The following MCTP1 variants were observed in gnomAD, a reference collection of about 807,000 sequenced individuals.
MCTP1 encodes multiple C2 and transmembrane domain-containing protein 1.
A neutral mutation model predicts 120.6 loss-of-function variants in MCTP1; 69 were observed. The observed-to-expected ratio is 0.57, with a 90% CI of 0.47 to 0.70. MCTP1 has a LOEUF of 0.70. MCTP1 is among the 30% of genes least tolerant of loss of function. The probability of loss-of-function intolerance (pLI) is 0.00; values close to 1 mark genes in which losing one functional copy is unlikely to be tolerated. For synonymous variants in MCTP1, 529 were observed against 493.1 expected, an observed-to-expected ratio of 1.07 and a Z score of -0.96; for missense variants, 1,203 against 1,248.8, an observed-to-expected ratio of 0.96 and a Z score of 0.55.
chr5:94,734,406 T>C (rs1282205109), intron 19 of MCTP1, among the ~76,000 whole-genome samples: 1 of 152,250 alleles, frequency 6.6e-6, no homozygotes, highest in Non-Finnish European at 1.5e-5. Context: ...GGGTATATCT[T>C]TCTAGTATCT....
At chr5:95,014,518 T>C (rs946413782) in intron 2 of MCTP1, among the ~76,000 whole-genome samples, 1 of 152,130 alleles carries the variant, frequency 6.6e-6, no homozygotes, top group Non-Finnish European at 1.5e-5. Flanking sequence ...CTGTTTCTTA[T>C]GAATGAGCAG....
intron 1 of MCTP1, among the ~76,000 whole-genome samples, chr5:95,276,164 G>C (rs1759809538): frequency 6.6e-6 from 1 of 150,958 alleles, no homozygotes; most frequent in African/African-American, 2.4e-5. Context: ...TTGGCCACTT[G>C]TGTGAACTCC....
chr5:94,929,168 T>G (rs1813910880), intron 6 of MCTP1, among the ~76,000 whole-genome samples: 1 of 152,160 alleles, frequency 6.6e-6, no homozygotes, highest in Non-Finnish European at 1.5e-5. Flanking sequence ...CCTTTCTTCC[T>G]CTGTAGGTAC....
At chr5:94,985,783 G>A (rs1359111206) in intron 2 of MCTP1, among the ~76,000 whole-genome samples, 3 of 152,178 alleles carry the variant, frequency 2.0e-5, no homozygotes, top group Non-Finnish European at 4.4e-5. Flanking sequence ...CCATTCTGCA[G>A]AGCTCACAGT....
At position 94,841,804 on chromosome 5, in the gene MCTP1, G is replaced by T. The variant is rs941738880; in HGVS notation, c.2436+26529C>A. ...GTCTGTCATCCATGTAAGAGAAACA[G>T]AAATGAGCTGGGCATTAAATTTGCA... On this transcript the variant is annotated intron_variant, in intron 17 of 22. Coordinates refer to ENST00000515393, the MANE Select transcript of MCTP1 (RefSeq NM_024717.7). Among the ~76,000 whole-genome samples, 37 of 152,172 alleles carry T rather than the reference G, an allele frequency of 2.4e-4. 1 individual carries two copies. The highest frequency in any genetic ancestry group is 5.9e-5 in the Non-Finnish European group (4 of 68,032).
chr5:95,225,245 C>CTTA (rs1357441246), intron 1 of MCTP1, among the ~76,000 whole-genome samples: 5 of 152,144 alleles, frequency 3.3e-5, no homozygotes, highest in African/African-American at 9.7e-5. Context: ...TTACTGGCTA[C>CTTA]CATTTTAAAA....
intron 17 of MCTP1, among the ~76,000 whole-genome samples, chr5:94,845,262 G>A (rs1166263742): frequency 2.6e-5 from 4 of 152,164 alleles, no homozygotes; most frequent in Non-Finnish European, 5.9e-5. Flanking sequence ...CATGGTAGAA[G>A]GTGAAGGAAG....
intron 19 of MCTP1, among the ~76,000 whole-genome samples, chr5:94,730,370 G>T: frequency 6.6e-6 from 1 of 152,124 alleles, no homozygotes; most frequent in East Asian, 1.9e-4. Context: ...TGTTGCCCAG[G>T]CTGGTCTCGA....
At chr5:95,024,587 G>A (rs1593464) in intron 1 of MCTP1, among the ~76,000 whole-genome samples, 110,045 of 151,374 alleles carry the variant, frequency 0.73, 41,742 homozygotes, top group Non-Finnish European at 0.86. Context: ...CCTATTCAAC[G>A]TAGTACTAGA....
intron 7 of MCTP1, among the ~76,000 whole-genome samples, chr5:94,922,957 G>T (rs563145801): frequency 5.3e-4 from 69 of 131,014 alleles, no homozygotes; most frequent in Non-Finnish European, 1.1e-3. Context: ...AAATGAAAAG[G>T]GTATAATTAC....
intron 20 of MCTP1, 36 bp from the exon 21 acceptor site, chr5:94,710,963 C>T: frequency 7.2e-7 from 1 of 1,380,962 alleles, no homozygotes; most frequent in Non-Finnish European, 1.0e-6. Flanking sequence ...AATCTGAGTA[C>T]TTCATACTTT....
At chr5:95,085,954 T>C (rs1755408733) in intron 1 of MCTP1, among the ~76,000 whole-genome samples, 1 of 152,136 alleles carries the variant, frequency 6.6e-6, no homozygotes, top group African/African-American at 2.4e-5. Flanking sequence ...TATATATTAT[T>C]GTTCTATTCC....
chr5:94,947,575 T>TAGAGAGAGAG (rs1252999006), intron 3 of MCTP1, among the ~76,000 whole-genome samples: 7 of 47,426 alleles, frequency 1.5e-4, no homozygotes, highest in Non-Finnish European at 1.9e-4. Flanking sequence ...TATATATATA[T>TAGAGAGAGAG]ATAGAGAGAG....
chr5:95,011,558 C>T (rs1040883651), intron 2 of MCTP1, among the ~76,000 whole-genome samples: 4 of 151,972 alleles, frequency 2.6e-5, no homozygotes, highest in Non-Finnish European at 5.9e-5. Flanking sequence ...CTCATGATAT[C>T]GAGTGAATTC....
chr5:94,834,647 C>T (rs1475206372), intron 17 of MCTP1, among the ~76,000 whole-genome samples: 2 of 152,044 alleles, frequency 1.3e-5, no homozygotes, highest in Non-Finnish European at 2.9e-5. Context: ...GACATCATAG[C>T]GCAATTCAAA....
At position 94,901,422 on chromosome 5, in the gene MCTP1, T is replaced by C. The variant is rs185337124; in HGVS notation, c.1653-6587A>G. Among the ~76,000 whole-genome samples, 87 of 152,268 alleles carry C rather than the reference T, an allele frequency of 5.7e-4. 1 individual carries two copies. Among genetic ancestry groups the C allele is most frequent in the Admixed American group, 9.2e-4 (14 of 15,298 alleles). On this transcript the variant is annotated intron_variant, in intron 10 of 22. Transcript: ENST00000515393. Reference sequence around the variant, plus strand: ...GGGACACAGAGACAAACCAAATCAATTTTAGAGTTACTTTCCCTCATTCTA... The same window carrying C: ...GGGACACAGAGACAAACCAAATCAACTTTAGAGTTACTTTCCCTCATTCTA...
At chr5:95,133,888 T>G (rs954548832) in intron 1 of MCTP1, among the ~76,000 whole-genome samples, 1 of 152,208 alleles carries the variant, frequency 6.6e-6, no homozygotes, top group African/African-American at 2.4e-5. Context: ...AAAAAAGGTT[T>G]GTTCCTCAGA....
intron 10 of MCTP1, among the ~76,000 whole-genome samples, chr5:94,908,490 G>A (rs1163791782): frequency 2.6e-5 from 4 of 151,816 alleles, no homozygotes; most frequent in Non-Finnish European, 5.9e-5. Context: ...TAAAGACTTG[G>A]AATTTCATGT....
At chr5:94,967,290 G>A (rs1242570959) in intron 2 of MCTP1, among the ~76,000 whole-genome samples, 1 of 152,116 alleles carries the variant, frequency 6.6e-6, no homozygotes, top group African/African-American at 2.4e-5. Flanking sequence ...CATTATAAAA[G>A]GGAACTTAGA....
Sources: gnomAD v4.1 joint callset for allele counts (sites outside exome capture counted in the v4.1 genomes callset) on GRCh38, gnomAD v4.1.1 for gene constraint, MANE v1.5 for transcripts, NCBI Gene and HGNC (gene_info 2026-07-23, HGNC 2026-07-21) for gene names.